Variants in TRIO observed in about 807,000 individuals in gnomAD.
TRIO encodes the protein triple functional domain protein.
TRIO carries 58 observed loss-of-function variants against 351.9 expected under a neutral mutation model. The observed-to-expected ratio is 0.16, with a 90% confidence interval of 0.13 to 0.21. The LOEUF is 0.21. TRIO is among the 10% of genes least tolerant of loss of function. TRIO has a pLI of 1.00. For missense variants in TRIO, 3,201 were observed against 4,027.8 expected, an observed-to-expected ratio of 0.79 and a Z score of 5.56; for synonymous variants, 1,758 against 1,595.7, an observed-to-expected ratio of 1.10 and a Z score of -2.42.
chr5:14,181,556 G>A (rs940144940), intron 1 of TRIO, among the ~76,000 whole-genome samples: 7 of 151,960 alleles, frequency 4.6e-5, no homozygotes, highest in South Asian at 2.1e-4. Flanking sequence ...GATGTGGAGC[G>A]TTTCTGGGGG....
At chr5:14,278,609 G>GA (rs1361884919) in intron 2 of TRIO, among the ~76,000 whole-genome samples, 1 of 152,088 alleles carries the variant, frequency 6.6e-6, no homozygotes, top group Non-Finnish European at 1.5e-5. Context: ...CAGTCAAGGA[G>GA]ATTGACTCTT....
At chr5:14,422,928 C>G (rs923663650) in intron 34 of TRIO, among the ~76,000 whole-genome samples, 2 of 152,108 alleles carry the variant, frequency 1.3e-5, no homozygotes, top group African/African-American at 4.8e-5. Context: ...ATTTTAAAAC[C>G]AGCCTGGGTA....
intron 1 of TRIO, among the ~76,000 whole-genome samples, chr5:14,162,865 G>A (rs938533287): frequency 6.6e-6 from 1 of 152,040 alleles, no homozygotes; most frequent in Admixed American, 6.6e-5. Flanking sequence ...GGCATGCAGT[G>A]GCACGATCTT....
chr5:14,288,991 C>G (rs949298190), intron 4 of TRIO, among the ~76,000 whole-genome samples: 1 of 152,166 alleles, frequency 6.6e-6, no homozygotes, highest in East Asian at 1.9e-4. Context: ...CCTGTAATCC[C>G]AGCACTTTGA....
At chr5:14,172,395 C>T (rs970692808) in intron 1 of TRIO, among the ~76,000 whole-genome samples, 1 of 152,176 alleles carries the variant, frequency 6.6e-6, no homozygotes, top group Non-Finnish European at 1.5e-5. Flanking sequence ...AGAGTAGTGA[C>T]AGGCAGACTC....
chr5:14,462,332 G>A (rs898586784), intron 35 of TRIO, among the ~76,000 whole-genome samples: 1 of 152,220 alleles, frequency 6.6e-6, no homozygotes, highest in African/African-American at 2.4e-5. Flanking sequence ...TGCTTAAAAT[G>A]CATCTTGGAT....
At chr5:14,466,359 G>A (rs1351850094) in intron 37 of TRIO, 2 of 151,788 alleles carry the variant, frequency 1.3e-5, no homozygotes, top group African/African-American at 4.8e-5. Flanking sequence ...GGTTCACAAT[G>A]TGTGAGAGAG....
At chr5:14,333,035 C>T (rs751740017) in intron 10 of TRIO, among the ~76,000 whole-genome samples, 2 of 152,280 alleles carry the variant, frequency 1.3e-5, no homozygotes, top group Non-Finnish European at 1.5e-5. Context: ...TTACTAAAGA[C>T]GGCCAGAGGC....
chr5:14,299,846 A>G (rs191881501), intron 7 of TRIO, among the ~76,000 whole-genome samples: 122 of 152,356 alleles, frequency 8.0e-4, no homozygotes, highest in Non-Finnish European at 1.4e-3. Context: ...GAGCTTACTA[A>G]CGGCAGCCGC....
intron 27 of TRIO, among the ~76,000 whole-genome samples, 166 bp downstream of exon 27, chr5:14,391,156 C>T (rs1013257263): frequency 6.6e-6 from 1 of 151,990 alleles, no homozygotes. Flanking sequence ...CTTCTATTGT[C>T]TTCTGTTTTT....
chr5:14,191,552 AAAGTG>A (rs967737761), intron 1 of TRIO, among the ~76,000 whole-genome samples: 2 of 152,012 alleles, frequency 1.3e-5, no homozygotes, highest in African/African-American at 4.8e-5. Context: ...AAAAAAAAAA[AAAGTG>A]GTAGTAGTAG....
chr5:14,441,063 C>T (rs1312465741), intron 34 of TRIO: 2 of 152,300 alleles, frequency 1.3e-5, no homozygotes, highest in East Asian at 1.9e-4. Context: ...GGGCCGTGGG[C>T]TGGCGCCGGC....
chr5:14,236,342 C>T (rs1245753131), intron 1 of TRIO, among the ~76,000 whole-genome samples: 1 of 152,104 alleles, frequency 6.6e-6, no homozygotes, highest in Non-Finnish European at 1.5e-5. Context: ...GTTCCTTTTT[C>T]AGGGCTTAGT....
chr5:14,468,670 G>A (rs1232822425), intron 37 of TRIO, among the ~76,000 whole-genome samples: 1 of 152,214 alleles, frequency 6.6e-6, no homozygotes, highest in Non-Finnish European at 1.5e-5. Context: ...TACTGACTCT[G>A]CAGTAGATCC....
chr5:14,443,805 G>A (rs1200796218), intron 34 of TRIO, among the ~76,000 whole-genome samples: 1 of 152,238 alleles, frequency 6.6e-6, no homozygotes, highest in Non-Finnish European at 1.5e-5. Context: ...AAGAAAATAA[G>A]AGAAGGTAAG....
At chr5:14,493,104 T>G (rs1756611859) in intron 49 of TRIO, among the ~76,000 whole-genome samples, 2 of 148,898 alleles carry the variant, frequency 1.3e-5, no homozygotes, top group South Asian at 2.1e-4. Flanking sequence ...AAGTGTTGTT[T>G]GTTTGTTTGT....
At position 14,419,656 on chromosome 5, in the gene TRIO, G is replaced by A. The variant is rs59319588; in HGVS notation, c.4960-122G>A. 335 of 1,359,670 alleles carry A rather than the reference G, an allele frequency of 2.5e-4. 2 individuals carry two copies. Among genetic ancestry groups the A allele is most frequent in the African/African-American group, 7.3e-5 (5 of 68,838 alleles). The allele number at this position is 1,359,670 out of a possible 1,614,324, so 84.2% of individuals were successfully genotyped here. ...GAGAGTGCAGTGATCACACAACCTC[G>A]GAGCACTCAGCTCACTCCGGGGCAG... On this transcript the variant is annotated intron_variant, in intron 33 of 56. Coordinates refer to ENST00000344204, the MANE Select transcript of TRIO (RefSeq NM_007118.4).
intron 36 of TRIO, among the ~76,000 whole-genome samples, chr5:14,464,975 C>G (rs1754141445): frequency 6.6e-6 from 1 of 152,174 alleles, no homozygotes; most frequent in East Asian, 1.9e-4. Context: ...CTGCACTAAT[C>G]ATGGGGAAAT....
In TRIO at chr5:14,500,337, G is replaced by C. The variant is rs557626033; in HGVS notation, c.8332+1697G>C. On this transcript the variant is annotated intron_variant, in intron 53 of 56. Coordinates refer to ENST00000344204, the MANE Select transcript of TRIO (RefSeq NM_007118.4). ...TTCCTGCACCCACAAGCTGTCTGGG[G>C]TGTGCGCCCTCATTCTCTCCAGCCC... Among the ~76,000 whole-genome samples, 64 of 152,282 alleles carry C rather than the reference G, an allele frequency of 4.2e-4. 1 individual carries two copies. The highest frequency in any genetic ancestry group is 1.5e-3 in the African/African-American group (62 of 41,566).
Sources: gnomAD v4.1 joint callset for allele counts (sites outside exome capture counted in the v4.1 genomes callset) on GRCh38, gnomAD v4.1.1 for gene constraint, MANE v1.5 for transcripts, NCBI Gene and HGNC (gene_info 2026-07-23, HGNC 2026-07-21) for gene names.